KCNQ3: variants seen among roughly 807,000 people sequenced by gnomAD.
KCNQ3 encodes the protein potassium voltage-gated channel subfamily Q member 3.
KCNQ3 carries 30 observed loss-of-function variants against 92.5 expected under a neutral mutation model. The observed-to-expected ratio is 0.32, with a 90% CI of 0.24 to 0.44. KCNQ3 has a LOEUF of 0.44. KCNQ3 is among the 20% of genes least tolerant of loss of function. KCNQ3 has a pLI of 1.00. For missense variants in KCNQ3, 913 were observed against 1,140.3 expected (o/e 0.80, Z 2.87); for synonymous variants, 450 against 468.8 (o/e 0.96, Z 0.52).
chr8:132,264,654 C>T lies in KCNQ3; in HGVS notation c.387-78473G>A, dbSNP rs140924557. Among the ~76,000 whole-genome samples the T allele has an allele frequency of 6.6e-5, 10 of 152,286 alleles. No homozygotes were observed. The East Asian group carries it at 1.5e-3, about 24-fold the overall frequency. On this transcript the variant is annotated intron_variant, in intron 1 of 14. Transcript: ENST00000388996. Reference sequence around the variant, plus strand: ...AATTCAGATGCCATGCAGGTCTGGGCGAAGAGCATTTAAGTGAAAGGACAG... The same window carrying T: ...AATTCAGATGCCATGCAGGTCTGGGTGAAGAGCATTTAAGTGAAAGGACAG...
At chr8:132,342,679 T>C (rs1043123180) in intron 1 of KCNQ3, among the ~76,000 whole-genome samples, 2 of 152,246 alleles carry the variant, frequency 1.3e-5, no homozygotes, top group African/African-American at 2.4e-5. Flanking sequence ...CTTCCTATTG[T>C]CTTGCCCTAG....
intron 1 of KCNQ3, among the ~76,000 whole-genome samples, chr8:132,402,706 A>G (rs1820371202): frequency 4.6e-5 from 7 of 152,104 alleles, no homozygotes; most frequent in Admixed American, 4.6e-4. Context: ...TATAATATAA[A>G]TTATGAACTT....
chr8:132,332,345 T>C (rs1249969609), intron 1 of KCNQ3, among the ~76,000 whole-genome samples: 2 of 152,200 alleles, frequency 1.3e-5, no homozygotes, highest in African/African-American at 4.8e-5. Flanking sequence ...GGTACCCAGA[T>C]AAGCCATGCT....
intron 1 of KCNQ3, among the ~76,000 whole-genome samples, chr8:132,241,655 G>A (rs1471894826): frequency 6.6e-6 from 1 of 152,130 alleles, no homozygotes; most frequent in Non-Finnish European, 1.5e-5. Flanking sequence ...TTAACATGGT[G>A]AAACCCCGTC....
At chr8:132,239,152 A>T (rs966306393) in intron 1 of KCNQ3, among the ~76,000 whole-genome samples, 2 of 152,212 alleles carry the variant, frequency 1.3e-5, no homozygotes, top group Admixed American at 1.3e-4. Context: ...ATTAAGCCCA[A>T]CTCTGAAATG....
intron 1 of KCNQ3, among the ~76,000 whole-genome samples, chr8:132,248,281 A>G (rs923956527): frequency 4.6e-5 from 7 of 151,700 alleles, no homozygotes; most frequent in Non-Finnish European, 7.4e-5. Flanking sequence ...AGAATCCAGA[A>G]TCCACATTAG....
At chr8:132,298,527 C>A (rs775706731) in intron 1 of KCNQ3, among the ~76,000 whole-genome samples, 1 of 152,064 alleles carries the variant, frequency 6.6e-6, no homozygotes, top group Admixed American at 6.6e-5. Context: ...CTTAATTATG[C>A]CTGGTGTCTA....
chr8:132,163,899 G>A (rs16904609), intron 8 of KCNQ3, among the ~76,000 whole-genome samples: 26,115 of 152,116 alleles, frequency 0.17, 2,691 homozygotes, highest in African/African-American at 0.27. Flanking sequence ...TCATCATAGC[G>A]AACATTGTCT....
chr8:132,325,066 C>T (rs781374889), intron 1 of KCNQ3, among the ~76,000 whole-genome samples: 2 of 151,818 alleles, frequency 1.3e-5, no homozygotes, highest in Non-Finnish European at 2.9e-5. Context: ...TCTAGGATTG[C>T]CACACAACAC....
chr8:132,188,669 G>T (rs1489869790), intron 1 of KCNQ3, among the ~76,000 whole-genome samples: 1 of 152,148 alleles, frequency 6.6e-6, no homozygotes, highest in Admixed American at 6.5e-5. Flanking sequence ...TTTTGTCCCA[G>T]ACATAGTACT....
At chr8:132,349,317 C>T (rs540535741) in intron 1 of KCNQ3, among the ~76,000 whole-genome samples, 8 of 152,326 alleles carry the variant, frequency 5.3e-5, no homozygotes, top group African/African-American at 1.9e-4. Flanking sequence ...AAACTAGTAT[C>T]TAACGAGCGA....
At chr8:132,283,451 G>A (rs574952711) in intron 1 of KCNQ3, among the ~76,000 whole-genome samples, 2 of 152,324 alleles carry the variant, frequency 1.3e-5, no homozygotes, top group South Asian at 2.1e-4. Flanking sequence ...GGAAAGACCA[G>A]CATACTCAAG....
chr8:132,149,220 T>TAACA (rs1825557105), intron 9 of KCNQ3, among the ~76,000 whole-genome samples: 1 of 152,232 alleles, frequency 6.6e-6, no homozygotes, highest in African/African-American at 2.4e-5. Context: ...AGGGAATCTC[T>TAACA]AACAGGCCTG....
intron 1 of KCNQ3, among the ~76,000 whole-genome samples, chr8:132,404,039 C>T (rs577840606): frequency 6.6e-6 from 1 of 152,338 alleles, no homozygotes; most frequent in Admixed American, 6.5e-5. Context: ...TACATCTCCA[C>T]AGACCAGCCC....
intron 1 of KCNQ3, among the ~76,000 whole-genome samples, chr8:132,190,053 C>T (rs538175592): frequency 3.9e-5 from 6 of 152,180 alleles, no homozygotes; most frequent in South Asian, 4.2e-4. Flanking sequence ...TAGTTGGCAT[C>T]GATCCTGGCG....
At chr8:132,153,705 G>C (rs1425945315) in intron 9 of KCNQ3, among the ~76,000 whole-genome samples, 1 of 149,440 alleles carries the variant, frequency 6.7e-6, no homozygotes, top group African/African-American at 2.5e-5. Flanking sequence ...GGGCATATGT[G>C]GGTAATAGTG....
At chr8:132,163,825 C>T (rs936138017) in intron 8 of KCNQ3, among the ~76,000 whole-genome samples, 1 of 152,200 alleles carries the variant, frequency 6.6e-6, no homozygotes, top group African/African-American at 2.4e-5. Flanking sequence ...TGGAGACAGA[C>T]CAGGAAACCA....
chr8:132,380,905 T>A (rs867454479), intron 1 of KCNQ3, among the ~76,000 whole-genome samples: 1 of 145,950 alleles, frequency 6.9e-6, no homozygotes, highest in African/African-American at 2.6e-5. Context: ...TAATACCTTC[T>A]TTCTACAGAA....
intron 1 of KCNQ3, among the ~76,000 whole-genome samples, chr8:132,249,999 G>A (rs889907467): frequency 2.6e-5 from 4 of 152,080 alleles, no homozygotes; most frequent in Non-Finnish European, 5.9e-5. Context: ...GCTGGCCCAC[G>A]AGTGCACTGC....
Sources: gnomAD v4.1 joint callset for allele counts (sites outside exome capture counted in the v4.1 genomes callset) on GRCh38, gnomAD v4.1.1 for gene constraint, MANE v1.5 for transcripts, NCBI Gene and HGNC (gene_info 2026-07-23, HGNC 2026-07-21) for gene names.